The following ITGAV variants were observed in gnomAD, a reference collection of about 807,000 sequenced individuals.
The protein encoded by ITGAV is integrin alpha-V.
ITGAV carries 76 observed loss-of-function variants against 143.8 expected under a neutral mutation model. That is an observed-to-expected ratio of 0.53 (90% CI 0.44 to 0.64). The LOEUF is 0.64. Among genes scored for constraint, ITGAV ranks in the 30% least tolerant of loss-of-function variants. The pLI is 0.00. For synonymous variants in ITGAV, 453 were observed against 446.7 expected (o/e 1.01, Z -0.18); for missense variants, 1,193 against 1,274.7 (o/e 0.94, Z 0.98).
chr2:186,646,586 C>T (rs977585310), intron 12 of ITGAV, 100 bp from the exon 13 acceptor site: 4 of 731,502 alleles, frequency 5.5e-6, no homozygotes, highest in Non-Finnish European at 8.9e-6. Flanking sequence ...TCATCCTTGC[C>T]CTCTTCCCCC....
At position 186,678,900 on chromosome 2, in the gene ITGAV, G is replaced by C. The variant is rs202067390; in HGVS notation, c.*1608G>C. 2.7e-6 allele frequency: 1 copy of C among 375,596 alleles called. No individual in the cohort carries two copies. Among genetic ancestry groups the C allele is most frequent in the Non-Finnish European group, 5.2e-6 (1 of 192,330 alleles). The allele number at this position is 375,596 out of a possible 1,614,324, so 23.3% of individuals were successfully genotyped here. On this transcript the variant is annotated 3_prime_UTR_variant, in exon 30 of 30. Coordinates refer to ENST00000261023, the MANE Select transcript of ITGAV (RefSeq NM_002210.5). The stretch of plus-strand genomic sequence containing the variant: ...CCATATCTCATAATTTCATGCACAA[G>C]TTGACTGAGCTAATCTTGAGAATAT...
In ITGAV at chr2:186,664,479, A is replaced by G. The variant is rs200045386; in HGVS notation, c.1926-15A>G. On this transcript the variant is annotated splice_polypyrimidine_tract_variant and intron_variant, in intron 19 of 29. Coordinates refer to ENST00000261023, the MANE Select transcript of ITGAV (RefSeq NM_002210.5). The stretch of plus-strand genomic sequence containing the variant: ...TCTTTTTTTCTCAGTCTGGATTTGT[A>G]TTGTTAACTTGTAGTGATCAAAAGA... The G allele has an allele frequency of 2.4e-5, 38 of 1,611,118 alleles. No individual in the cohort carries two copies. In the South Asian group the frequency reaches 3.8e-4, roughly 16 times the overall value.
chr2:186,590,849 GTGCCAGTGTCGA>G, intron 1 of ITGAV, among the ~76,000 whole-genome samples: 1 of 152,286 alleles, frequency 6.6e-6, no homozygotes, highest in African/African-American at 2.4e-5. Context: ...CCCGCCTCCT[GTGCCAGTGTCGA>G]GGATTTGGTC....
In ITGAV at chr2:186,638,631, C is replaced by CGTGTGTGTGT. The variant is rs34535817; in HGVS notation, c.903+197_903+206dup. Among the ~76,000 whole-genome samples the CGTGTGTGTGT allele has an allele frequency of 2.8e-3, 409 of 144,790 alleles. 1 individual carries two copies. The highest frequency in any genetic ancestry group is 0.011 in the South Asian group (48 of 4,394). The allele number at this position is 144,790 out of a possible 152,430, so 95.0% of individuals were successfully genotyped here. ...AAACTATTATCATTTCTCTTTTGAG[C>CGTGTGTGTGT]GTGTGTGTGTGTGTGTGTGTGTGTG... On this transcript the variant is annotated intron_variant, in intron 10 of 29. Coordinates refer to ENST00000261023, the MANE Select transcript of ITGAV (RefSeq NM_002210.5).
chr2:186,654,717 T>C lies in ITGAV; in HGVS notation c.1564+9T>C. The C allele has an allele frequency of 7.3e-7, 1 of 1,374,590 alleles. No individual in the cohort carries two copies. The highest frequency in any genetic ancestry group is 1.8e-5 in the Admixed American group (1 of 56,698). The allele number at this position is 1,374,590 out of a possible 1,614,324, so 85.1% of individuals were successfully genotyped here. ...ACTTCCCAGGAAACTTAGTAAGTGT[T>C]CTATGAAAAATCATATTATTTTAAT... On this transcript the variant is annotated intron_variant, in intron 16 of 29. Coordinates refer to ENST00000261023, the MANE Select transcript of ITGAV (RefSeq NM_002210.5).
chr2:186,636,014 C>T, intron 6 of ITGAV, 68 bp from the exon 7 acceptor site: 1 of 1,331,358 alleles, frequency 7.5e-7, no homozygotes, highest in Non-Finnish European at 1.1e-6. Flanking sequence ...ATGCAGGTAC[C>T]ATACATTATC....
At position 186,639,224 on chromosome 2, in the gene ITGAV, A is replaced by G. The variant is rs140038807; in HGVS notation, c.903+759A>G. Reference sequence around the variant, plus strand: ...GTTGTATGTCTCAAAGAATTATACCATAAGTTGGTAATGATGAATAAACAT... The same window carrying G: ...GTTGTATGTCTCAAAGAATTATACCGTAAGTTGGTAATGATGAATAAACAT... On this transcript the variant is annotated intron_variant, in intron 10 of 29. Transcript: ENST00000261023. 6.4e-3 allele frequency among the ~76,000 whole-genome samples: 973 copies of G among 152,332 alleles called. 6 individuals are homozygous for G. The highest frequency in any genetic ancestry group is 7.5e-3 in the Non-Finnish European group (507 of 68,036).
intron 2 of ITGAV, among the ~76,000 whole-genome samples, chr2:186,609,706 G>A (rs1200847683): frequency 1.3e-5 from 2 of 151,958 alleles, no homozygotes; most frequent in Admixed American, 6.6e-5. Flanking sequence ...CTTAGATGTC[G>A]AAGAGGGTTC....
chr2:186,668,185 CATATATATATATATATAT>C (rs1225346630), intron 24 of ITGAV, among the ~76,000 whole-genome samples: 12 of 19,074 alleles, frequency 6.3e-4, no homozygotes, highest in Non-Finnish European at 7.8e-4. Flanking sequence ...TACATACATA[CATATATATATATATATAT>C]ATATATATAT....
At chr2:186,643,740 G>GA (rs760892498) in intron 12 of ITGAV, among the ~76,000 whole-genome samples, 6 of 152,140 alleles carry the variant, frequency 3.9e-5, no homozygotes, top group Non-Finnish European at 8.8e-5. Flanking sequence ...AGAAAAGCAG[G>GA]AAAGAGCATC....
chr2:186,590,126 C>T lies in ITGAV; in HGVS notation c.-213C>T, dbSNP rs61763603. The T allele has an allele frequency of 1.2e-3, 535 of 431,618 alleles. 2 individuals carry two copies. The highest frequency in any genetic ancestry group is 0.01 in the African/African-American group (497 of 48,110). 26.7% of individuals were successfully genotyped at this position (431,618 alleles called of 1,614,324 possible). A position where few individuals can be genotyped will look rare whatever the true frequency, so the allele number is the denominator to read the frequency against. ...AGCAAAGGACCGTCTGCGCTGCTGT[C>T]CCCGCCCCGCGCGCTCTGCGCCCCT... On this transcript the variant is annotated 5_prime_UTR_variant, in exon 1 of 30. Coordinates refer to ENST00000261023, the MANE Select transcript of ITGAV (RefSeq NM_002210.5).
At chr2:186,665,705 G>A (rs984784071) in intron 21 of ITGAV, among the ~76,000 whole-genome samples, 2 of 152,154 alleles carry the variant, frequency 1.3e-5, no homozygotes, top group East Asian at 3.9e-4. Context: ...CTTGCTTTCC[G>A]AATCCTCTAA....
chr2:186,648,419 A>G (rs751981959), intron 13 of ITGAV, among the ~76,000 whole-genome samples: 1 of 152,170 alleles, frequency 6.6e-6, no homozygotes, highest in African/African-American at 2.4e-5. Context: ...TAACAGGTGG[A>G]CAGTGTATTT....
intron 22 of ITGAV, 86 bp from the exon 23 acceptor site, chr2:186,667,064 T>C: frequency 2.1e-6 from 2 of 959,332 alleles, no homozygotes; most frequent in Admixed American, 2.4e-5. Flanking sequence ...TTTCGTTTGT[T>C]AATTTTTAGT....
chr2:186,668,187 T>TACATAC (rs1553505651), intron 24 of ITGAV, among the ~76,000 whole-genome samples: 1 of 12,258 alleles, frequency 8.2e-5, no homozygotes, highest in Non-Finnish European at 1.4e-4. Context: ...CATACATACA[T>TACATAC]ATATATATAT....
At position 186,651,923 on chromosome 2, in the gene ITGAV, C is replaced by T; in HGVS notation, c.1398-59C>T. The T allele has an allele frequency of 3.0e-6, 3 of 992,132 alleles. 1 individual carries two copies. The highest frequency in any genetic ancestry group is 4.4e-5 in the Admixed American group (2 of 45,152). 61.5% of individuals were successfully genotyped at this position (992,132 alleles called of 1,614,324 possible). A position where few individuals can be genotyped will look rare whatever the true frequency, so the allele number is the denominator to read the frequency against. On this transcript the variant is annotated intron_variant, in intron 14 of 29. Coordinates refer to ENST00000261023, the MANE Select transcript of ITGAV (RefSeq NM_002210.5). ...TAGTGAATATGAACCAAAAATATTT[C>T]AATCAACCTAACTTTTTAAATAATT...
intron 2 of ITGAV, among the ~76,000 whole-genome samples, chr2:186,611,384 T>C (rs1687212236): frequency 6.6e-6 from 1 of 152,168 alleles, no homozygotes; most frequent in South Asian, 2.1e-4. Flanking sequence ...TTTTTAATTA[T>C]TTGTTATTTT....
chr2:186,635,668 C>T (rs1369423156), intron 6 of ITGAV, among the ~76,000 whole-genome samples: 1 of 152,074 alleles, frequency 6.6e-6, no homozygotes, highest in Admixed American at 6.6e-5. Context: ...AGGTTGTTTC[C>T]TAAAGATGTT....
intron 16 of ITGAV, among the ~76,000 whole-genome samples, chr2:186,655,201 AGCAAGATAG>A (rs956190283): frequency 1.3e-5 from 2 of 152,210 alleles, no homozygotes; most frequent in African/African-American, 4.8e-5. Flanking sequence ...TGGTCCTGAG[AGCAAGATAG>A]GCAAGATAGG....
Sources: gnomAD v4.1 joint callset for allele counts (sites outside exome capture counted in the v4.1 genomes callset) on GRCh38, gnomAD v4.1.1 for gene constraint, MANE v1.5 for transcripts, NCBI Gene and HGNC (gene_info 2026-07-23, HGNC 2026-07-21) for gene names.